The following ADGRB3 variants were observed in gnomAD, a reference collection of about 807,000 sequenced individuals.
The protein encoded by ADGRB3 is adhesion G protein-coupled receptor B3, also known as brain-specific angiogenesis inhibitor 3.
A neutral mutation model predicts 193.4 loss-of-function variants in ADGRB3; 37 were observed. The ratio of observed to expected loss-of-function variants is 0.19; its 90% CI spans 0.15 to 0.25. ADGRB3 has a LOEUF of 0.25. ADGRB3 is among the 10% of genes least tolerant of loss of function. The probability of loss-of-function intolerance (pLI) is 1.00; values close to 1 mark genes in which losing one functional copy is unlikely to be tolerated. For synonymous variants in ADGRB3, 690 were observed against 644.2 expected (o/e 1.07, Z -1.08); for missense variants, 1,637 against 1,852.9 (o/e 0.88, Z 2.14).
At chr6:68,919,217 C>A (rs1007818638) in intron 3 of ADGRB3, among the ~76,000 whole-genome samples, 1 of 152,182 alleles carries the variant, frequency 6.6e-6, no homozygotes, top group African/African-American at 2.4e-5. Flanking sequence ...GGGTTCAGCA[C>A]AATATTTTGA....
intron 3 of ADGRB3, among the ~76,000 whole-genome samples, chr6:68,893,464 C>A (rs1003804016): frequency 1.3e-5 from 2 of 148,660 alleles, no homozygotes; most frequent in African/African-American, 2.5e-5. Flanking sequence ...CCTTAGCATT[C>A]AAAATGAGGG....
rs1244374947 is a variant in ADGRB3, at chr6:69,368,934, A to G, written c.4240-3472A>G. On this transcript the variant is annotated intron_variant, in intron 29 of 31. Transcript: ENST00000370598. Reference sequence around the variant, plus strand: ...AAGAGGAAACAGCATAGAAATTAGGAAGAGGAAAGAGCATAGAAGGTTTCC... The same window carrying G: ...AAGAGGAAACAGCATAGAAATTAGGGAGAGGAAAGAGCATAGAAGGTTTCC... 2.6e-5 allele frequency among the ~76,000 whole-genome samples: 4 copies of G among 152,244 alleles called. No homozygotes were observed. The East Asian group carries it at 7.7e-4, about 29-fold the overall frequency.
At chr6:69,183,844 A>C (rs1334580141) in intron 17 of ADGRB3, among the ~76,000 whole-genome samples, 1 of 152,028 alleles carries the variant, frequency 6.6e-6, no homozygotes, top group Non-Finnish European at 1.5e-5. Context: ...GGAAGAAAAC[A>C]CTCCAGTATC....
At chr6:68,644,380 G>C (rs893743815) in intron 3 of ADGRB3, among the ~76,000 whole-genome samples, 3 of 151,932 alleles carry the variant, frequency 2.0e-5, no homozygotes, top group Non-Finnish European at 4.4e-5. Flanking sequence ...ATGATAAATA[G>C]AACTTGCTAT....
intron 20 of ADGRB3, among the ~76,000 whole-genome samples, chr6:69,292,056 C>T (rs932781339): frequency 6.6e-6 from 1 of 152,112 alleles, no homozygotes; most frequent in African/African-American, 2.4e-5. Context: ...GTTTCCTGCC[C>T]TGTCAATTTC....
At chr6:69,173,157 C>G (rs144435117) in intron 17 of ADGRB3, among the ~76,000 whole-genome samples, 1 of 152,222 alleles carries the variant, frequency 6.6e-6, no homozygotes, top group Admixed American at 6.5e-5. Context: ...CCTGCCTCAG[C>G]CTCCCAAGTA....
At chr6:68,852,790 G>C (rs1456296031) in intron 3 of ADGRB3, among the ~76,000 whole-genome samples, 2 of 151,962 alleles carry the variant, frequency 1.3e-5, no homozygotes, top group African/African-American at 4.8e-5. Context: ...TCAAAGACTA[G>C]ATAACTAATT....
At chr6:68,947,979 G>T (rs564572365) in intron 6 of ADGRB3, among the ~76,000 whole-genome samples, 19 of 152,122 alleles carry the variant, frequency 1.2e-4, no homozygotes, top group African/African-American at 4.6e-4. Context: ...TTACTTAAGG[G>T]ATTTGAGCTT....
intron 3 of ADGRB3, among the ~76,000 whole-genome samples, chr6:68,653,340 A>G (rs1426734434): frequency 1.3e-5 from 2 of 152,110 alleles, no homozygotes; most frequent in African/African-American, 4.8e-5. Context: ...TGACATATCT[A>G]TAATGTCCAG....
intron 19 of ADGRB3, among the ~76,000 whole-genome samples, chr6:69,235,414 A>G (rs1044086731): frequency 3.3e-5 from 5 of 152,212 alleles, no homozygotes; most frequent in East Asian, 1.9e-4. Context: ...TACCCCAAGC[A>G]TAGTACTCTT....
intron 3 of ADGRB3, among the ~76,000 whole-genome samples, chr6:68,897,488 A>G: frequency 2.5e-5 from 2 of 79,252 alleles, no homozygotes; most frequent in African/African-American, 5.3e-5. Flanking sequence ...GGATGGAGGA[A>G]GGGAGGGAGG....
At chr6:69,309,845 G>T (rs1768145816) in intron 20 of ADGRB3, among the ~76,000 whole-genome samples, 1 of 151,664 alleles carries the variant, frequency 6.6e-6, no homozygotes, top group Non-Finnish European at 1.5e-5. Context: ...TGGAAAAGAA[G>T]ATAAGTAGGC....
chr6:68,956,487 A>G (rs896385185), intron 7 of ADGRB3, among the ~76,000 whole-genome samples, 158 bp from the exon 8 acceptor site: 7 of 152,192 alleles, frequency 4.6e-5, no homozygotes, highest in African/African-American at 1.7e-4. Context: ...GTTCTTCGCA[A>G]TGCTCTATAT....
intron 22 of ADGRB3, among the ~76,000 whole-genome samples, chr6:69,329,000 T>G (rs1768647566): frequency 6.6e-6 from 1 of 152,152 alleles, no homozygotes; most frequent in Admixed American, 6.5e-5. Flanking sequence ...GCATTTATTT[T>G]ATAGCCATAA....
chr6:69,282,194 C>A (rs981903757), intron 20 of ADGRB3, among the ~76,000 whole-genome samples: 2 of 152,056 alleles, frequency 1.3e-5, no homozygotes, highest in Admixed American at 1.3e-4. Flanking sequence ...AAATGAATAT[C>A]AGGATTTGAA....
At chr6:69,052,753 A>T (rs989007892) in intron 15 of ADGRB3, among the ~76,000 whole-genome samples, 5 of 152,160 alleles carry the variant, frequency 3.3e-5, no homozygotes, top group Non-Finnish European at 7.3e-5. Flanking sequence ...TTACTATTCA[A>T]TTGTCTTCCC....
chr6:68,750,487 C>T (rs1192483513), intron 3 of ADGRB3, among the ~76,000 whole-genome samples: 2 of 152,138 alleles, frequency 1.3e-5, no homozygotes, highest in Non-Finnish European at 2.9e-5. Context: ...TGCATGTTAT[C>T]AAATGTAGTT....
At chr6:69,168,657 T>C (rs1483067369) in intron 17 of ADGRB3, among the ~76,000 whole-genome samples, 1 of 151,998 alleles carries the variant, frequency 6.6e-6, no homozygotes, top group East Asian at 1.9e-4. Flanking sequence ...TTAATTTAAA[T>C]TAATTTAAAA....
chr6:68,705,059 T>C (rs1765301960), intron 3 of ADGRB3, among the ~76,000 whole-genome samples: 1 of 152,128 alleles, frequency 6.6e-6, no homozygotes, highest in Non-Finnish European at 1.5e-5. Context: ...AAATCACAGA[T>C]TTTTGTTTTT....
Sources: allele counts gnomAD v4.1 joint callset (sites outside exome capture counted in the v4.1 genomes callset), GRCh38; gene constraint gnomAD v4.1.1; transcripts MANE v1.5; gene names NCBI Gene and HGNC (gene_info 2026-07-23, HGNC 2026-07-21).